EIF3E: variants seen among roughly 807,000 people sequenced by gnomAD.
EIF3E encodes the protein eIF-3 p48.
A neutral mutation model predicts 59.3 loss-of-function variants in EIF3E; 25 were observed. The ratio of observed to expected loss-of-function variants is 0.42; its 90% CI spans 0.31 to 0.59. The LOEUF (loss-of-function observed/expected upper bound fraction) is 0.59, where lower values mean the gene tolerates loss of function less well. Among genes scored for constraint, EIF3E ranks in the 20% least tolerant of loss-of-function variants. EIF3E has a pLI of 0.15. For synonymous variants in EIF3E, 176 were observed against 170.2 expected (o/e 1.03, Z -0.26); for missense variants, 317 against 534.3 (o/e 0.59, Z 4.01).
At chr8:108,220,619 C>G (rs1328546845) in intron 7 of EIF3E, among the ~76,000 whole-genome samples, 10 of 152,192 alleles carry the variant, frequency 6.6e-5, no homozygotes. Flanking sequence ...GAAACATTAT[C>G]AAGTCTGCTG....
At chr8:108,241,043 A>G (rs1249010208) in intron 2 of EIF3E, among the ~76,000 whole-genome samples, 1 of 152,222 alleles carries the variant, frequency 6.6e-6, no homozygotes, top group Non-Finnish European at 1.5e-5. Flanking sequence ...AAACTAAAAA[A>G]GAGATACTGT....
At chr8:108,218,788 T>G (rs1586197363) in intron 7 of EIF3E, among the ~76,000 whole-genome samples, 1 of 145,646 alleles carries the variant, frequency 6.9e-6, no homozygotes, top group Non-Finnish European at 1.5e-5. Flanking sequence ...ATTTCTTTTT[T>G]TTTTTTTTTT....
intron 3 of EIF3E, among the ~76,000 whole-genome samples, chr8:108,239,738 T>C (rs777996915): frequency 6.6e-6 from 1 of 152,258 alleles, no homozygotes; most frequent in Non-Finnish European, 1.5e-5. Context: ...TATAGATAAG[T>C]ACTAAAGAAG....
chr8:108,234,582 T>G (rs1225331821), intron 5 of EIF3E: 1 of 152,368 alleles, frequency 6.6e-6, no homozygotes, highest in African/African-American at 2.4e-5. Context: ...CACAGTTGTT[T>G]AGAGCCAAGT....
At position 108,216,499 on chromosome 8, in the gene EIF3E, A is replaced by ATATG; in HGVS notation, c.860_863dup (p.Lys289IlefsTer2). On this transcript the variant is annotated frameshift_variant, in exon 9 of 13. Transcript: ENST00000220849. LOFTEE classifies it high-confidence loss of function. ...CAACAAATTCTGTAATTGGGTCTTT[A>ATATG]TATGTGTAAGACTCCTGTAAAAATA... 1 of 1,605,606 alleles carries ATATG rather than the reference A, an allele frequency of 6.2e-7. No individual in the cohort carries two copies. Among genetic ancestry groups the ATATG allele is most frequent in the East Asian group, 2.3e-5 (1 of 44,430 alleles).
chr8:108,204,599 G>T (rs1430407848), intron 10 of EIF3E, among the ~76,000 whole-genome samples: 3 of 151,844 alleles, frequency 2.0e-5, no homozygotes, highest in Non-Finnish European at 2.9e-5. Flanking sequence ...AAAAAAGTAA[G>T]CCTACTATAA....
intron 7 of EIF3E, chr8:108,221,493 G>T (rs530278988): frequency 1.3e-5 from 2 of 152,290 alleles, no homozygotes; most frequent in South Asian, 4.1e-4. Flanking sequence ...CTTACCTACA[G>T]TGTCAGTTTA....
rs566373262 is a variant in EIF3E at position 108,219,712 on chromosome 8, C to T, written c.723-2252G>A. 4.4e-4 allele frequency among the ~76,000 whole-genome samples: 67 copies of T among 150,846 alleles called. 4 individuals are homozygous for T. The South Asian group carries it at 0.013, about 30-fold the overall frequency. ...GCAACATAGTGAAACCTTGTCTCTA[C>T]AAAAAATAATAATAATAAAATTGAG... On this transcript the variant is annotated intron_variant, in intron 7 of 12. Transcript: ENST00000220849.
At chr8:108,209,098 T>TAGAA (rs3840710) in intron 10 of EIF3E, among the ~76,000 whole-genome samples, 75,816 of 151,572 alleles carry the variant, frequency 0.5, 18,973 homozygotes, top group African/African-American at 0.58. Flanking sequence ...AAATTACAAA[T>TAGAA]AGAGTTATTT....
intron 1 of EIF3E, among the ~76,000 whole-genome samples, chr8:108,245,816 G>C (rs1320197144): frequency 1.3e-5 from 2 of 152,244 alleles, no homozygotes; most frequent in Non-Finnish European, 2.9e-5. Flanking sequence ...TGTGCTGAGA[G>C]CACAAGGAAG....
intron 7 of EIF3E, among the ~76,000 whole-genome samples, chr8:108,218,780 T>C (rs1815350289): frequency 9.4e-6 from 1 of 105,934 alleles, no homozygotes; most frequent in African/African-American, 3.4e-5. Context: ...TTTATTTTAT[T>C]TCTTTTTTTT....
intron 10 of EIF3E, among the ~76,000 whole-genome samples, chr8:108,207,451 C>T (rs1319442539): frequency 2.6e-5 from 4 of 152,092 alleles, no homozygotes; most frequent in African/African-American, 9.7e-5. Flanking sequence ...TTTAAAAAGA[C>T]AAAAAGTTGG....
intron 1 of EIF3E, among the ~76,000 whole-genome samples, chr8:108,245,129 C>T (rs942104888): frequency 6.9e-6 from 1 of 145,930 alleles, no homozygotes; most frequent in African/African-American, 2.8e-5. Flanking sequence ...CTGCCCCCCC[C>T]TCCCATCCCA....
At chr8:108,204,317 T>C (rs1176095768) in intron 10 of EIF3E, among the ~76,000 whole-genome samples, 1 of 152,056 alleles carries the variant, frequency 6.6e-6, no homozygotes, top group Non-Finnish European at 1.5e-5. Flanking sequence ...CATCAACTAA[T>C]GAGTGGATAA....
chr8:108,237,843 G>C (rs1176167713), intron 3 of EIF3E, among the ~76,000 whole-genome samples: 1 of 152,116 alleles, frequency 6.6e-6, no homozygotes, highest in Non-Finnish European at 1.5e-5. Flanking sequence ...TTATTTCCGG[G>C]AAAGTGTAAG....
chr8:108,242,814 A>G (rs1815864749), intron 1 of EIF3E: 1 of 287,548 alleles, frequency 3.5e-6, no homozygotes, highest in Non-Finnish European at 5.3e-6. Flanking sequence ...GTCATTAATC[A>G]TAAGGAAATG....
rs557755825 is a variant in EIF3E, at chr8:108,214,696, G to A, written c.972C>T (p.Phe324=). The A allele has an allele frequency of 1.9e-6, 3 of 1,607,982 alleles. No homozygotes were observed. The South Asian group carries it at 3.3e-5, about 18-fold the overall frequency. The change falls in exon 10 of 13, where the codon TTC becomes TTT. Residue 324 remains phenylalanine (F), a synonymous_variant. Transcript: ENST00000220849. ...ECESVLVNDF[F]LVACLEDFIE... is the part of the protein sequence containing the mutation. ...TGAAATCCTCAAGACAAGCCACCAA[G>A]AAGAAGTCATTCACAAGCACCTATA...
chr8:108,203,221 T>C (rs1815028503), intron 11 of EIF3E, 104 bp from the exon 12 acceptor site: 4 of 898,766 alleles, frequency 4.5e-6, no homozygotes, highest in Non-Finnish European at 6.1e-6. Context: ...ATGCACTGTA[T>C]AGAGATGACA....
At chr8:108,248,098 A>G (rs1406446823) in intron 1 of EIF3E, among the ~76,000 whole-genome samples, 1 of 152,122 alleles carries the variant, frequency 6.6e-6, no homozygotes, top group East Asian at 1.9e-4. Context: ...CTTAACCAAG[A>G]CAAGAAAACG....
Sources: gnomAD v4.1 joint callset for allele counts (sites outside exome capture counted in the v4.1 genomes callset) on GRCh38, gnomAD v4.1.1 for gene constraint, MANE v1.5 for transcripts, NCBI Gene and HGNC (gene_info 2026-07-23, HGNC 2026-07-21) for gene names.